Variants in AKAP7 observed in about 807,000 individuals in gnomAD.
The protein encoded by AKAP7 is A-kinase anchoring protein 7, also known as A kinase (PRKA) anchor protein 7.
A neutral mutation model predicts 39.5 loss-of-function variants in AKAP7; 39 were observed. The observed-to-expected ratio is 0.99, with a 90% CI of 0.76 to 1.29. AKAP7 has a LOEUF of 1.29. AKAP7 is among the 50% of genes most tolerant of loss of function. The pLI, the probability that AKAP7 is intolerant of heterozygous loss-of-function variation, is 0.00. For synonymous variants in AKAP7, 140 were observed against 139.1 expected (o/e 1.01, Z -0.05); for missense variants, 414 against 407.7 (o/e 1.02, Z -0.13).
intron 2 of AKAP7, among the ~76,000 whole-genome samples, chr6:131,152,798 G>T (rs1282673798): frequency 2.2e-5 from 3 of 139,176 alleles, no homozygotes; most frequent in African/African-American, 8.2e-5. Context: ...CTGCACTGCA[G>T]CCTGGGCAAC....
chr6:131,197,221 A>G (rs1323935660), intron 5 of AKAP7, among the ~76,000 whole-genome samples: 3 of 152,106 alleles, frequency 2.0e-5, no homozygotes, highest in East Asian at 1.9e-4. Context: ...TCAACCATTT[A>G]TTTATTGATG....
rs1048162241 is a variant in AKAP7 at position 131,199,328 on chromosome 6, T to C, written c.590-133T>C. 9 of 617,200 alleles carry C rather than the reference T, an allele frequency of 1.5e-5. No individual in the cohort carries two copies. The African/African-American group carries it at 1.5e-4, about 10-fold the overall frequency. 38.2% of individuals were successfully genotyped at this position (617,200 alleles called of 1,614,324 possible). ...TTTTTTCTCTCTTTTAAAGAAAATA[T>C]CTGAAGCAGGTGTATAAAGTAATCT... On this transcript the variant is annotated intron_variant, in intron 5 of 7. Coordinates refer to ENST00000431975, the MANE Select transcript of AKAP7 (RefSeq NM_016377.4).
intron 5 of AKAP7, among the ~76,000 whole-genome samples, chr6:131,196,273 T>TG (rs1435232582): frequency 6.0e-5 from 9 of 151,202 alleles, no homozygotes; most frequent in Admixed American, 1.3e-4. Context: ...GTTGCTTTTT[T>TG]TTTTTTTTTT....
chr6:131,266,972 AG>A (rs754150659), intron 7 of AKAP7, among the ~76,000 whole-genome samples: 2 of 152,204 alleles, frequency 1.3e-5, no homozygotes, highest in Admixed American at 6.6e-5. Context: ...CAGACTTCAA[AG>A]AAAAACAGTG....
Position 131,199,592 on chromosome 6 carries a change from T to A in AKAP7, c.702+19T>A, listed in dbSNP as rs775345528. ...TAAGAATGTGAGTGCATGTTCTTAT[T>A]GCAAGCCTGTTTTACCAGGCCACAC... On this transcript the variant is annotated intron_variant, in intron 6 of 7. Transcript: ENST00000431975. The A allele has an allele frequency of 6.5e-7, 1 of 1,544,366 alleles. No homozygotes were observed. The highest frequency in any genetic ancestry group is 9.0e-7 in the Non-Finnish European group (1 of 1,117,062).
chr6:131,165,512 T>C (rs1300619373), intron 4 of AKAP7, among the ~76,000 whole-genome samples: 1 of 152,214 alleles, frequency 6.6e-6, no homozygotes, highest in Non-Finnish European at 1.5e-5. Context: ...ATACATATTC[T>C]GGAATCATGG....
In AKAP7 at chr6:131,282,384, A is replaced by ATTT; in HGVS notation, c.*665_*667dup. 6.9e-7 allele frequency: 1 copy of ATTT among 1,440,922 alleles called. No homozygotes were observed. The highest frequency in any genetic ancestry group is 1.4e-5 in the African/African-American group (1 of 69,574). The allele number at this position is 1,440,922 out of a possible 1,614,324, so 89.3% of individuals were successfully genotyped here. On this transcript the variant is annotated 3_prime_UTR_variant, in exon 8 of 8. Coordinates refer to ENST00000431975, the MANE Select transcript of AKAP7 (RefSeq NM_016377.4). ...ATATTTAATGAAATGTTATTATATA[A>ATTT]TTTTTTTTTCTTAGGCAAGAAACCT...
At chr6:131,275,664 G>A (rs754786726) in intron 7 of AKAP7, among the ~76,000 whole-genome samples, 1 of 152,124 alleles carries the variant, frequency 6.6e-6, no homozygotes, top group Non-Finnish European at 1.5e-5. Context: ...CATGTCTGCC[G>A]CCATCTTTGA....
chr6:131,201,458 ATTTG>A (rs1807560324), intron 6 of AKAP7, among the ~76,000 whole-genome samples: 1 of 152,058 alleles, frequency 6.6e-6, no homozygotes, highest in African/African-American at 2.4e-5. Flanking sequence ...TTTCTTGTAA[ATTTG>A]TTTGAGTTCC....
chr6:131,267,821 T>G (rs1322793008), intron 7 of AKAP7, among the ~76,000 whole-genome samples: 1 of 152,238 alleles, frequency 6.6e-6, no homozygotes, highest in Non-Finnish European at 1.5e-5. Context: ...CCCTTGTATA[T>G]CGTACATCTT....
intron 5 of AKAP7, among the ~76,000 whole-genome samples, chr6:131,175,751 G>T (rs1021077945): frequency 2.0e-5 from 3 of 152,156 alleles, no homozygotes; most frequent in African/African-American, 7.2e-5. Flanking sequence ...CGCTCTCTAT[G>T]CCTGGAGGAA....
At chr6:131,141,439 C>G (rs1801014058) in intron 1 of AKAP7, among the ~76,000 whole-genome samples, 1 of 152,198 alleles carries the variant, frequency 6.6e-6, no homozygotes, top group Non-Finnish European at 1.5e-5. Flanking sequence ...CTGCAGAACT[C>G]TGGGCCAAAT....
chr6:131,247,523 A>G (rs1290280370), intron 7 of AKAP7, among the ~76,000 whole-genome samples: 1 of 150,708 alleles, frequency 6.6e-6, no homozygotes, highest in Non-Finnish European at 1.5e-5. Flanking sequence ...GCGGGGTTTC[A>G]CTATGTTAGG....
chr6:131,177,934 A>G (rs762386262), intron 5 of AKAP7, among the ~76,000 whole-genome samples: 12 of 152,178 alleles, frequency 7.9e-5, no homozygotes, highest in Non-Finnish European at 1.5e-5. Context: ...ATTTCACCCA[A>G]TCCCAAATTC....
At chr6:131,151,882 T>C (rs1801950242) in intron 2 of AKAP7, among the ~76,000 whole-genome samples, 1 of 152,244 alleles carries the variant, frequency 6.6e-6, no homozygotes, top group African/African-American at 2.4e-5. Flanking sequence ...TCTAATTCAT[T>C]CTCAGCCTTT....
At chr6:131,184,957 G>T in intron 5 of AKAP7, 2 of 785,296 alleles carry the variant, frequency 2.5e-6, no homozygotes, top group Non-Finnish European at 4.7e-6. Flanking sequence ...CCCTTTCCCC[G>T]ATGCTTGGGA....
intron 6 of AKAP7, 134 bp downstream of exon 6, chr6:131,199,707 A>T: frequency 1.3e-6 from 1 of 748,434 alleles, no homozygotes; most frequent in South Asian, 1.6e-5. Context: ...GGTTGGTTCC[A>T]ATTCCCAGGG....
At chr6:131,140,721 T>C (rs1800962090) in intron 1 of AKAP7, among the ~76,000 whole-genome samples, 1 of 152,228 alleles carries the variant, frequency 6.6e-6, no homozygotes, top group Non-Finnish European at 1.5e-5. Flanking sequence ...TGTTTCTATT[T>C]AGTTGCATGT....
chr6:131,267,618 T>C (rs1314317863), intron 7 of AKAP7, among the ~76,000 whole-genome samples: 2 of 152,184 alleles, frequency 1.3e-5, no homozygotes, highest in East Asian at 3.9e-4. Context: ...CATCAGTTAC[T>C]TAACCAGAGC....
Sources: gnomAD v4.1 joint callset for allele counts (sites outside exome capture counted in the v4.1 genomes callset) on GRCh38, gnomAD v4.1.1 for gene constraint, MANE v1.5 for transcripts, NCBI Gene and HGNC (gene_info 2026-07-23, HGNC 2026-07-21) for gene names.